Variants in TMEM108 observed in about 807,000 individuals in gnomAD.
TMEM108 encodes the protein cancer/testis antigen 124.
In TMEM108, 12 loss-of-function variants were observed where a neutral mutation model predicts 35.1. That is an observed-to-expected ratio of 0.34 (90% CI 0.22 to 0.55). The LOEUF (loss-of-function observed/expected upper bound fraction) is 0.55. TMEM108 is among the 20% of genes least tolerant of loss of function. The pLI, the probability that TMEM108 is intolerant of heterozygous loss-of-function variation, is 0.89. For synonymous variants in TMEM108, 287 were observed against 308.6 expected (o/e 0.93, Z 0.73); for missense variants, 680 against 753.3 (o/e 0.90, Z 1.14).
intron 3 of TMEM108, among the ~76,000 whole-genome samples, chr3:133,307,115 A>G: frequency 6.6e-6 from 1 of 152,164 alleles, no homozygotes; most frequent in Admixed American, 6.5e-5. Flanking sequence ...CATTTGTCTG[A>G]TGACCAGTGA....
chr3:133,183,676 C>A (rs1945379665), intron 2 of TMEM108, among the ~76,000 whole-genome samples: 1 of 152,152 alleles, frequency 6.6e-6, no homozygotes, highest in African/African-American at 2.4e-5. Flanking sequence ...ACCACAGGCA[C>A]AGGCACAAGA....
intron 2 of TMEM108, among the ~76,000 whole-genome samples, chr3:133,107,145 T>C (rs1053232681): frequency 3.9e-5 from 6 of 152,202 alleles, no homozygotes; most frequent in Non-Finnish European, 7.3e-5. Context: ...TTGGAGAGTC[T>C]CTTGCATATA....
At chr3:133,293,674 G>A (rs1947104016) in intron 3 of TMEM108, among the ~76,000 whole-genome samples, 2 of 152,040 alleles carry the variant, frequency 1.3e-5, no homozygotes, top group Middle Eastern at 3.2e-3. Context: ...AACTCGTCAA[G>A]CATGAGCATT....
At chr3:133,040,190 T>A (rs199536664) in intron 1 of TMEM108, among the ~76,000 whole-genome samples, 1 of 144,720 alleles carries the variant, frequency 6.9e-6, no homozygotes, top group Admixed American at 7.2e-5. Context: ...TCACAGTTTT[T>A]TTTGTTTGTT....
Position 133,370,919 on chromosome 3 carries a change from T to TGTGTGTGTGTGTGC in TMEM108, c.41-8830_41-8829insTGTGTGTGTGCGTG, listed in dbSNP as rs528508777. ...GTGTGTGTGTGTGTGTGTGTGTGTGTGTGCCAGGAAGCTTCATGGCCCTCC... is the reference window on the plus strand; with the variant it reads ...GTGTGTGTGTGTGTGTGTGTGTGTGTGTGTGTGTGTGTGCGTGCCAGGAAGCTTCATGGCCCTCC... On this transcript the variant is annotated intron_variant, in intron 3 of 5. Transcript: ENST00000321871. Among the ~76,000 whole-genome samples the TGTGTGTGTGTGTGC allele has an allele frequency of 2.9e-5, 4 of 136,790 alleles. No individual in the cohort carries two copies. The East Asian group carries it at 9.0e-4, about 31-fold the overall frequency. 89.7% of individuals were successfully genotyped at this position (136,790 alleles called of 152,430 possible). A position where few individuals can be genotyped will look rare whatever the true frequency, so the allele number is the denominator to read the frequency against.
At chr3:133,056,596 C>T (rs7637735) in intron 2 of TMEM108, among the ~76,000 whole-genome samples, 2,125 of 152,264 alleles carry the variant, frequency 0.014, 60 homozygotes, top group African/African-American at 0.049. Flanking sequence ...ATCAGAATTC[C>T]AGAGCTGGTC....
chr3:133,076,010 G>T (rs151061491), intron 2 of TMEM108, among the ~76,000 whole-genome samples: 132 of 152,268 alleles, frequency 8.7e-4, no homozygotes, highest in Non-Finnish European at 1.5e-3. Flanking sequence ...GACCACCAAG[G>T]TCCAAAAGAA....
chr3:133,390,064 C>T, intron 4 of TMEM108, 116 bp from the exon 5 acceptor site: 1 of 1,279,124 alleles, frequency 7.8e-7, no homozygotes, highest in Non-Finnish European at 1.1e-6. Context: ...ATGCCCTGCC[C>T]CTTTTCCCAC....
chr3:133,364,090 A>T (rs2137603), intron 3 of TMEM108, among the ~76,000 whole-genome samples: 11 of 152,160 alleles, frequency 7.2e-5, no homozygotes, highest in Admixed American at 2.6e-4. Context: ...CAATAATCCA[A>T]TGAGGTGGCT....
At chr3:133,275,302 G>A (rs1946824151) in intron 3 of TMEM108, among the ~76,000 whole-genome samples, 2 of 151,962 alleles carry the variant, frequency 1.3e-5, no homozygotes, top group Admixed American at 1.3e-4. Flanking sequence ...CTGAATTTTA[G>A]CAACATTAAA....
rs114099092 is a variant in TMEM108 at position 133,275,867 on chromosome 3, A to T, written c.40+46516A>T. ...TGCCTTTTGAAATTGCAGATAAAGG[A>T]TTGTGAGTCTGTATCACAAAAACTG... On this transcript the variant is annotated intron_variant, in intron 3 of 5. Coordinates refer to ENST00000321871, the MANE Select transcript of TMEM108 (RefSeq NM_023943.4). Among the ~76,000 whole-genome samples the T allele has an allele frequency of 6.6e-3, 1,001 of 152,328 alleles. 7 individuals carry two copies. The highest frequency in any genetic ancestry group is 0.022 in the African/African-American group (932 of 41,576).
At chr3:133,350,575 A>C (rs935987853) in intron 3 of TMEM108, among the ~76,000 whole-genome samples, 1 of 152,186 alleles carries the variant, frequency 6.6e-6, no homozygotes, top group Non-Finnish European at 1.5e-5. Flanking sequence ...CCAATTTGTC[A>C]ATTAAAAAAT....
chr3:133,129,586 C>A (rs1944463174), intron 2 of TMEM108, among the ~76,000 whole-genome samples: 1 of 152,132 alleles, frequency 6.6e-6, no homozygotes, highest in South Asian at 2.1e-4. Flanking sequence ...GGGAAGGCTT[C>A]TTTTAGCTGG....
chr3:133,175,953 C>T (rs1195542485), intron 2 of TMEM108, among the ~76,000 whole-genome samples: 16 of 143,278 alleles, frequency 1.1e-4, no homozygotes, highest in African/African-American at 2.3e-4. Flanking sequence ...CACACATAGG[C>T]TCAAAATAAA....
chr3:133,389,358 A>G, intron 4 of TMEM108: 1 of 985,468 alleles, frequency 1.0e-6, no homozygotes, highest in Non-Finnish European at 1.2e-6. Context: ...GGGCTTTTGC[A>G]TCAATCTAAG....
At chr3:133,128,969 A>C (rs1373142571) in intron 2 of TMEM108, among the ~76,000 whole-genome samples, 3 of 152,122 alleles carry the variant, frequency 2.0e-5, no homozygotes, top group Non-Finnish European at 4.4e-5. Flanking sequence ...GTTACCTGTT[A>C]ATTTTTTGCC....
chr3:133,135,909 G>A (rs866337434), intron 2 of TMEM108, among the ~76,000 whole-genome samples: 1 of 152,234 alleles, frequency 6.6e-6, no homozygotes, highest in Middle Eastern at 3.4e-3. Context: ...AGCATAAAAC[G>A]TTTTATGTGC....
intron 2 of TMEM108, among the ~76,000 whole-genome samples, chr3:133,073,818 CTTATCTT>C (rs1376729166): frequency 1.3e-5 from 2 of 151,820 alleles, no homozygotes; most frequent in East Asian, 3.9e-4. Context: ...CTTACCAACA[CTTATCTT>C]TTATCTTTTT....
At chr3:133,169,983 A>G (rs1945105856) in intron 2 of TMEM108, among the ~76,000 whole-genome samples, 1 of 152,214 alleles carries the variant, frequency 6.6e-6, no homozygotes, top group South Asian at 2.1e-4. Context: ...TTCATTAACA[A>G]TGCATTCATT....
Sources: allele counts gnomAD v4.1 joint callset (sites outside exome capture counted in the v4.1 genomes callset), GRCh38; gene constraint gnomAD v4.1.1; transcripts MANE v1.5; gene names NCBI Gene and HGNC (gene_info 2026-07-23, HGNC 2026-07-21).